Variants in ROBO2 observed in about 807,000 individuals in gnomAD.
The protein encoded by ROBO2 is roundabout guidance receptor 2.
A neutral mutation model predicts 160.8 loss-of-function variants in ROBO2; 53 were observed. That is an observed-to-expected ratio of 0.33 (90% CI 0.26 to 0.41). The LOEUF (loss-of-function observed/expected upper bound fraction) is 0.41. Among genes scored for constraint, ROBO2 ranks in the 10% least tolerant of loss-of-function variants. ROBO2 has a pLI of 1.00. For missense variants in ROBO2, 1,577 were observed against 1,722.4 expected (o/e 0.92, Z 1.49); for synonymous variants, 664 against 611.7 (o/e 1.09, Z -1.26).
chr3:77,314,343 A>C (rs1321515671), intron 2 of ROBO2, among the ~76,000 whole-genome samples: 1 of 152,132 alleles, frequency 6.6e-6, no homozygotes, highest in African/African-American at 2.4e-5. Context: ...TCCATATTTT[A>C]AGTATTGACT....
intron 2 of ROBO2, among the ~76,000 whole-genome samples, chr3:76,920,882 T>TTATAA (rs2076612460): frequency 6.6e-6 from 1 of 152,182 alleles, no homozygotes; most frequent in Non-Finnish European, 1.5e-5. Context: ...AACTCACAGC[T>TTATAA]TATAATGAAA....
At position 75,983,453 on chromosome 3, in the gene ROBO2, T is replaced by A. The variant is rs1004539255; in HGVS notation, c.109+45851T>A. On this transcript the variant is annotated intron_variant, in intron 2 of 26. Transcript: ENST00000487694. ...TAGTTTTAAAGTTATGATAAACTTA[T>A]GTGGTGTACGTTTCTCTTTAAGGTA... Among the ~76,000 whole-genome samples, 3 of 151,412 alleles carry A rather than the reference T, an allele frequency of 2.0e-5. No individual in the cohort carries two copies. In the East Asian group the frequency reaches 5.8e-4, roughly 29 times the overall value.
chr3:77,548,517 T>A (rs998181651), intron 7 of ROBO2, among the ~76,000 whole-genome samples: 6 of 152,072 alleles, frequency 3.9e-5, no homozygotes, highest in African/African-American at 1.4e-4. Flanking sequence ...TAGCTCCAAG[T>A]TGAATTACAA....
intron 2 of ROBO2, among the ~76,000 whole-genome samples, chr3:76,050,061 G>A (rs1318489297): frequency 6.6e-6 from 1 of 152,088 alleles, no homozygotes; most frequent in Admixed American, 6.6e-5. Context: ...ATTGAAAGAC[G>A]CAAATAACTG....
In ROBO2 at chr3:76,227,042, A is replaced by G. The variant is rs547970472; in HGVS notation, c.109+289440A>G. ...GGTGTTGGCATTCACCAGCATTGCC[A>G]TTTTCTTTCAAATTTAGTGTCCAAC... On this transcript the variant is annotated intron_variant, in intron 2 of 26. Transcript: ENST00000487694. Among the ~76,000 whole-genome samples the G allele has an allele frequency of 2.6e-5, 4 of 152,290 alleles. No individual in the cohort carries two copies. The South Asian group carries it at 8.3e-4, about 32-fold the overall frequency.
intron 2 of ROBO2, among the ~76,000 whole-genome samples, chr3:76,253,315 C>T (rs1391324312): frequency 1.3e-5 from 2 of 151,936 alleles, no homozygotes; most frequent in Non-Finnish European, 2.9e-5. Context: ...TACTCTCACT[C>T]ATGCTGGACT....
chr3:76,594,149 G>C (rs992203451), intron 2 of ROBO2, among the ~76,000 whole-genome samples: 13 of 151,914 alleles, frequency 8.6e-5, no homozygotes, highest in African/African-American at 1.9e-4. Context: ...AGAACATCTA[G>C]CTCTGGTTTC....
intron 2 of ROBO2, among the ~76,000 whole-genome samples, chr3:76,273,699 A>C (rs1316307119): frequency 2.0e-5 from 3 of 152,098 alleles, no homozygotes; most frequent in Non-Finnish European, 2.9e-5. Context: ...CCATCATGAG[A>C]ACTCACTCAC....
chr3:76,876,192 A>G (rs1201801855), intron 2 of ROBO2, among the ~76,000 whole-genome samples: 1 of 152,218 alleles, frequency 6.6e-6, no homozygotes, highest in Non-Finnish European at 1.5e-5. Context: ...CATGAATTTG[A>G]GAAGAATCAC....
intron 2 of ROBO2, among the ~76,000 whole-genome samples, chr3:77,367,514 A>C (rs2071082093): frequency 6.6e-6 from 1 of 152,122 alleles, no homozygotes; most frequent in African/African-American, 2.4e-5. Flanking sequence ...GTTTTCATAG[A>C]CAGGTAATAA....
chr3:77,212,243 T>C (rs1330479013), intron 2 of ROBO2, among the ~76,000 whole-genome samples: 11 of 152,322 alleles, frequency 7.2e-5, no homozygotes, highest in Middle Eastern at 3.4e-3. Flanking sequence ...TATCGTCTTT[T>C]ATTTCACTGA....
intron 2 of ROBO2, among the ~76,000 whole-genome samples, chr3:76,316,186 G>T (rs530214150): frequency 6.6e-6 from 1 of 152,176 alleles, no homozygotes; most frequent in South Asian, 2.1e-4. Flanking sequence ...GCAGAGAACT[G>T]GTCTGACCTG....
intron 2 of ROBO2, among the ~76,000 whole-genome samples, chr3:76,275,865 C>T (rs1187367591): frequency 6.6e-6 from 1 of 152,032 alleles, no homozygotes; most frequent in East Asian, 1.9e-4. Context: ...GAATTAATCA[C>T]TCACATAATG....
intron 2 of ROBO2, among the ~76,000 whole-genome samples, chr3:76,070,391 T>A (rs1444514677): frequency 2.6e-5 from 4 of 152,086 alleles, no homozygotes; most frequent in Non-Finnish European, 4.4e-5. Context: ...TGGACTCCAG[T>A]CTCCCATAGC....
chr3:76,261,454 T>C (rs9827466), intron 2 of ROBO2, among the ~76,000 whole-genome samples: 48,991 of 151,634 alleles, frequency 0.32, 8,547 homozygotes, highest in Non-Finnish European at 0.4. Flanking sequence ...GGGGGAACTA[T>C]ACTTGCTCTC....
intron 2 of ROBO2, among the ~76,000 whole-genome samples, chr3:77,293,829 T>A (rs1342078941): frequency 1.4e-5 from 2 of 141,282 alleles, no homozygotes; most frequent in Non-Finnish European, 3.0e-5. Flanking sequence ...AAAGTAGAAT[T>A]GATGGTTAAA....
At chr3:77,223,805 T>A (rs1248799767) in intron 2 of ROBO2, among the ~76,000 whole-genome samples, 1 of 152,100 alleles carries the variant, frequency 6.6e-6, no homozygotes, top group Admixed American at 6.5e-5. Flanking sequence ...TATCTCATTT[T>A]TTCTTCCTTC....
intron 2 of ROBO2, among the ~76,000 whole-genome samples, chr3:76,420,894 A>G (rs978733061): frequency 1.3e-5 from 2 of 152,244 alleles, no homozygotes; most frequent in African/African-American, 2.4e-5. Context: ...GCTTAAATAT[A>G]TAAAAGCTGT....
chr3:76,441,412 T>G (rs1559950402), intron 2 of ROBO2, among the ~76,000 whole-genome samples: 1 of 152,170 alleles, frequency 6.6e-6, no homozygotes, highest in African/African-American at 2.4e-5. Context: ...AAAGAAACTG[T>G]TGGTCGAAAG....
Sources: allele counts gnomAD v4.1 joint callset (sites outside exome capture counted in the v4.1 genomes callset), GRCh38; gene constraint gnomAD v4.1.1; transcripts MANE v1.5; gene names NCBI Gene and HGNC (gene_info 2026-07-23, HGNC 2026-07-21).